PRKCI: variants seen among roughly 807,000 people sequenced by gnomAD.
PRKCI encodes protein kinase C iota, also known as protein kinase C iota type.
A neutral mutation model predicts 84.0 loss-of-function variants in PRKCI; 43 were observed. The ratio of observed to expected loss-of-function variants is 0.51; its 90% CI spans 0.40 to 0.66. PRKCI has a LOEUF of 0.66. Among genes scored for constraint, PRKCI ranks in the 30% least tolerant of loss-of-function variants. PRKCI has a pLI of 0.00. For synonymous variants in PRKCI, 216 were observed against 234.4 expected (o/e 0.92, Z 0.72); for missense variants, 459 against 745.6 (o/e 0.62, Z 4.48).
At chr3:170,290,671 A>G (rs1193485910) in intron 12 of PRKCI, among the ~76,000 whole-genome samples, 1 of 152,118 alleles carries the variant, frequency 6.6e-6, no homozygotes, top group Non-Finnish European at 1.5e-5. Flanking sequence ...AGATTGTGAA[A>G]TTCTCCTAAT....
chr3:170,247,163 G>C (rs189811659), intron 2 of PRKCI, among the ~76,000 whole-genome samples: 23 of 151,908 alleles, frequency 1.5e-4, no homozygotes, highest in African/African-American at 5.3e-4. Context: ...CCAGGCTCAA[G>C]CAGTCCTCCC....
chr3:170,252,605 C>CTT (rs150533528), intron 2 of PRKCI, among the ~76,000 whole-genome samples: 1 of 146,006 alleles, frequency 6.8e-6, no homozygotes, highest in Non-Finnish European at 1.5e-5. Context: ...TTTTTCTAAC[C>CTT]TTTTTTTTTT....
At chr3:170,265,452 A>G (rs1318909453) in intron 4 of PRKCI, among the ~76,000 whole-genome samples, 2 of 152,178 alleles carry the variant, frequency 1.3e-5, no homozygotes, top group African/African-American at 4.8e-5. Flanking sequence ...ATGCAAACTT[A>G]TGTTTGATTG....
chr3:170,284,686 T>TA, intron 12 of PRKCI, 90 bp downstream of exon 12: 2 of 1,336,698 alleles, frequency 1.5e-6, no homozygotes, highest in South Asian at 2.7e-5. Flanking sequence ...AGGAAATGAT[T>TA]ACTAATTTTG....
intron 3 of PRKCI, among the ~76,000 whole-genome samples, chr3:170,262,499 G>C (rs1272649244): frequency 6.6e-6 from 1 of 152,102 alleles, no homozygotes; most frequent in Admixed American, 6.5e-5. Flanking sequence ...TTTTGTTTCT[G>C]AGATGGTGTC....
chr3:170,287,548 T>C (rs1000369319), intron 12 of PRKCI, among the ~76,000 whole-genome samples: 5 of 151,838 alleles, frequency 3.3e-5, no homozygotes, highest in Non-Finnish European at 7.4e-5. Context: ...AGTACACTAA[T>C]GCATTTTAAT....
intron 4 of PRKCI, among the ~76,000 whole-genome samples, chr3:170,265,909 C>T (rs373582010): frequency 3.3e-4 from 50 of 152,242 alleles, no homozygotes; most frequent in African/African-American, 1.2e-3. Flanking sequence ...GCGTGAGCCA[C>T]CGCGCCCGGC....
rs1734936021 is a variant in PRKCI at position 170,305,537 on chromosome 3, C to T, written c.*2410C>T. 6.6e-6 allele frequency: 1 copy of T among 152,224 alleles called. No individual in the cohort carries two copies. The highest frequency in any genetic ancestry group is 2.1e-4 in the South Asian group (1 of 4,830). The allele number at this position is 152,224 out of a possible 1,614,324, so 9.4% of individuals were successfully genotyped here. A position where few individuals can be genotyped will look rare whatever the true frequency, so the allele number is the denominator to read the frequency against. On this transcript the variant is annotated 3_prime_UTR_variant, in exon 18 of 18. Transcript: ENST00000295797. ...CTATGATGAGGTTTTAACCATTATT[C>T]AGGGTGGTCTTTTGTTTTTAAATCT...
rs1481221018 is a variant in PRKCI at position 170,229,112 on chromosome 3, GGGATATTCTAT to G, written c.102-6117_102-6107del. On this transcript the variant is annotated intron_variant, in intron 1 of 17. Coordinates refer to ENST00000295797, the MANE Select transcript of PRKCI (RefSeq NM_002740.6). The stretch of plus-strand genomic sequence containing the variant: ...TAGAGATAGCCATTGTTAACAGTTA[GGGATATTCTAT>G]ATCATATCGGTATATTTATAAGTAT... Among the ~76,000 whole-genome samples, 8 of 152,002 alleles carry G rather than the reference GGGATATTCTAT, an allele frequency of 5.3e-5. No homozygotes were observed. The East Asian group carries it at 1.5e-3, about 29-fold the overall frequency.
intron 9 of PRKCI, 121 bp from the exon 10 acceptor site, chr3:170,281,045 C>T: frequency 1.5e-6 from 1 of 686,388 alleles, no homozygotes; most frequent in Non-Finnish European, 2.4e-6. Context: ...TCATGATTAT[C>T]AATGGTTTTG....
chr3:170,234,031 C>CT (rs386398519), intron 1 of PRKCI, among the ~76,000 whole-genome samples: 1,535 of 93,280 alleles, frequency 0.016, 111 homozygotes, highest in African/African-American at 0.057. Context: ...TATACTTACA[C>CT]TTTTTTTTTT....
chr3:170,224,404 T>C (rs969482365), intron 1 of PRKCI, among the ~76,000 whole-genome samples: 2 of 152,054 alleles, frequency 1.3e-5, no homozygotes, highest in African/African-American at 4.8e-5. Context: ...CTGTTTTGAC[T>C]TGAGGATGGT....
intron 2 of PRKCI, among the ~76,000 whole-genome samples, chr3:170,242,252 T>G (rs1469170057): frequency 6.6e-6 from 1 of 152,026 alleles, no homozygotes; most frequent in Non-Finnish European, 1.5e-5. Flanking sequence ...TTTAGATAGC[T>G]GTATTATGGC....
At position 170,303,462 on chromosome 3, in the gene PRKCI, TG is replaced by T. The variant is rs1458045300; in HGVS notation, c.*338del. 1 of 241,486 alleles carries T rather than the reference TG, an allele frequency of 4.1e-6. No individual in the cohort carries two copies. Among genetic ancestry groups the T allele is most frequent in the African/African-American group, 2.2e-5 (1 of 45,640 alleles). The allele number at this position is 241,486 out of a possible 1,614,324, so 15.0% of individuals were successfully genotyped here. ...GTATCTGTTGCATTAAGGCACATAG[TG>T]GGATTACATCATAAACCTCCCATAA... On this transcript the variant is annotated 3_prime_UTR_variant, in exon 18 of 18. Coordinates refer to ENST00000295797, the MANE Select transcript of PRKCI (RefSeq NM_002740.6).
intron 2 of PRKCI, among the ~76,000 whole-genome samples, chr3:170,244,404 C>G (rs1285635616): frequency 2.6e-5 from 4 of 152,166 alleles, no homozygotes; most frequent in Non-Finnish European, 5.9e-5. Flanking sequence ...GTTCAGAGAG[C>G]TTCCTGCTCG....
intron 1 of PRKCI, among the ~76,000 whole-genome samples, chr3:170,227,979 A>T (rs1261348685): frequency 6.6e-6 from 1 of 152,174 alleles, no homozygotes; most frequent in East Asian, 1.9e-4. Flanking sequence ...ATAGTCTTGT[A>T]GGGGTGACGG....
At chr3:170,301,849 C>T (rs1734826827) in intron 17 of PRKCI, among the ~76,000 whole-genome samples, 1 of 152,180 alleles carries the variant, frequency 6.6e-6, no homozygotes, top group South Asian at 2.1e-4. Context: ...TTCAGTAACT[C>T]CTTCATTGCC....
At chr3:170,268,142 T>C (rs921887736) in intron 5 of PRKCI, 142 bp downstream of exon 5, 2 of 633,706 alleles carry the variant, frequency 3.2e-6, no homozygotes, top group Non-Finnish European at 5.3e-6. Context: ...CCAGTTTGCC[T>C]GAGGCAGTAT....
chr3:170,275,567 T>G (rs1734095507), intron 8 of PRKCI, among the ~76,000 whole-genome samples: 1 of 152,174 alleles, frequency 6.6e-6, no homozygotes, highest in Non-Finnish European at 1.5e-5. Flanking sequence ...TACTTGGTAG[T>G]ATTGTTTAAA....
Sources: allele counts gnomAD v4.1 joint callset (sites outside exome capture counted in the v4.1 genomes callset), GRCh38; gene constraint gnomAD v4.1.1; transcripts MANE v1.5; gene names NCBI Gene and HGNC (gene_info 2026-07-23, HGNC 2026-07-21).